ZEB1: variants seen among roughly 807,000 people sequenced by gnomAD.
ZEB1 encodes the protein zinc finger E-box-binding homeobox 1.
A neutral mutation model predicts 84.9 loss-of-function variants in ZEB1; 21 were observed. The observed-to-expected ratio is 0.25, with a 90% CI of 0.18 to 0.36. The LOEUF is 0.36. Among genes scored for constraint, ZEB1 ranks in the 10% least tolerant of loss-of-function variants. ZEB1 has a pLI of 1.00. For synonymous variants in ZEB1, 420 were observed against 471.1 expected (o/e 0.89, Z 1.41); for missense variants, 1,104 against 1,330.2 (o/e 0.83, Z 2.65).
intron 1 of ZEB1, among the ~76,000 whole-genome samples, chr10:31,430,702 T>C: frequency 6.6e-6 from 1 of 152,166 alleles, no homozygotes; most frequent in East Asian, 1.9e-4. Context: ...TGCTACACAT[T>C]TACACACATA....
chr10:31,404,909 G>T (rs989341798), intron 1 of ZEB1, among the ~76,000 whole-genome samples: 1 of 152,122 alleles, frequency 6.6e-6, no homozygotes, highest in Non-Finnish European at 1.5e-5. Context: ...GAGAAAAAGA[G>T]CAGGCTGGCT....
At chr10:31,351,264 G>C (rs548467547) in intron 1 of ZEB1, among the ~76,000 whole-genome samples, 1 of 152,216 alleles carries the variant, frequency 6.6e-6, no homozygotes, top group Admixed American at 6.5e-5. Flanking sequence ...TCTCTTTTTA[G>C]CAAAATAGGA....
intron 1 of ZEB1, among the ~76,000 whole-genome samples, chr10:31,442,940 CAT>C (rs1249249219): frequency 2.6e-5 from 4 of 152,042 alleles, no homozygotes; most frequent in African/African-American, 7.2e-5. Context: ...ATTAGAGACA[CAT>C]GTAGGCAACT....
rs746846574 is a variant in ZEB1 at position 31,527,148 on chromosome 10, G to A, written c.3262G>A (p.Ala1088Thr). The A allele has an allele frequency of 6.2e-6, 10 of 1,607,980 alleles. 1 individual carries two copies. The South Asian group carries it at 1.1e-4, about 18-fold the overall frequency. The stretch of plus-strand genomic sequence containing the variant: ...AGAGGCAGAGAATGAGGGAGAAGAA[G>A]CAAAAACTGAAGGTCTGATGAAGGA... ...VEEAENEGEE[A>T]KTEGLMKDDR... The change falls in exon 9 of 9, where the codon GCA (alanine) becomes ACA (threonine). Residue 1088 changes from alanine to threonine, a missense_variant. By Grantham distance (58) the Ala-to-Thr change is moderately conservative. This residue lies in a region of ZEB1 where 173 missense variants were observed against 167.0 expected (regional missense o/e 1.04). Transcript: ENST00000424869.
chr10:31,364,415 C>A (rs1350026669), intron 1 of ZEB1, among the ~76,000 whole-genome samples: 3 of 152,178 alleles, frequency 2.0e-5, no homozygotes, highest in African/African-American at 7.2e-5. Context: ...CTGGCTAGCA[C>A]CCAGTGGCCC....
intron 1 of ZEB1, among the ~76,000 whole-genome samples, chr10:31,423,919 T>A (rs962182756): frequency 2.0e-5 from 3 of 152,034 alleles, no homozygotes; most frequent in African/African-American, 7.2e-5. Context: ...GACTCCAGAA[T>A]AATAAGGATA....
chr10:31,357,107 G>A (rs1393775055), intron 1 of ZEB1, among the ~76,000 whole-genome samples: 2 of 152,102 alleles, frequency 1.3e-5, no homozygotes, highest in African/African-American at 2.4e-5. Flanking sequence ...TCTAGGAAAA[G>A]TGAATGCCAA....
At chr10:31,518,414 A>G (rs1166260005) in intron 6 of ZEB1, among the ~76,000 whole-genome samples, 3 of 152,162 alleles carry the variant, frequency 2.0e-5, no homozygotes, top group Non-Finnish European at 4.4e-5. Flanking sequence ...AAGAAAAGTT[A>G]CACTTGTTCT....
At chr10:31,381,952 A>C (rs1214468107) in intron 1 of ZEB1, 1 of 136,182 alleles carries the variant, frequency 7.3e-6, no homozygotes, top group Non-Finnish European at 1.6e-5. Flanking sequence ...CAGGGGTTGC[A>C]GTGAGATGAG....
chr10:31,404,112 C>A (rs913581351), intron 1 of ZEB1, among the ~76,000 whole-genome samples: 5 of 151,948 alleles, frequency 3.3e-5, no homozygotes, highest in African/African-American at 9.7e-5. Context: ...AAAACACATT[C>A]TTTTTAAGAG....
At chr10:31,485,294 T>C (rs983224024) in intron 2 of ZEB1, among the ~76,000 whole-genome samples, 32 of 152,024 alleles carry the variant, frequency 2.1e-4, no homozygotes, top group African/African-American at 7.5e-4. Context: ...GAGCTCAGTA[T>C]TCACAACAAT....
rs184451590 is a variant in ZEB1, at chr10:31,452,371, G to A, written c.59-8666G>A. 5.1e-3 allele frequency among the ~76,000 whole-genome samples: 768 copies of A among 151,718 alleles called. 11 individuals are homozygous for A. The highest frequency in any genetic ancestry group is 0.017 in the African/African-American group (715 of 41,364). On this transcript the variant is annotated intron_variant, in intron 1 of 8. Coordinates refer to ENST00000424869, the MANE Select transcript of ZEB1 (RefSeq NM_001174096.2). ...GACAGTAAGCTAACATTATCAGTTC[G>A]GTCAAAAGTCAGATTAACAAAAATT...
At chr10:31,366,261 T>TA in intron 1 of ZEB1, among the ~76,000 whole-genome samples, 1 of 152,346 alleles carries the variant, frequency 6.6e-6, no homozygotes, top group African/African-American at 2.4e-5. Flanking sequence ...ACAGACATAA[T>TA]ACTTAAATCA....
At chr10:31,355,542 C>T (rs984757717) in intron 1 of ZEB1, among the ~76,000 whole-genome samples, 6 of 152,126 alleles carry the variant, frequency 3.9e-5, no homozygotes, top group Middle Eastern at 3.4e-3. Context: ...ATATAACAGG[C>T]GGACTTAACC....
intron 1 of ZEB1, among the ~76,000 whole-genome samples, chr10:31,359,231 G>A (rs971198903): frequency 2.0e-5 from 3 of 151,996 alleles, no homozygotes; most frequent in African/African-American, 7.3e-5. Flanking sequence ...ATGCATTTTG[G>A]TATTGAAATC....
chr10:31,500,164 A>C (rs945714813), intron 3 of ZEB1, among the ~76,000 whole-genome samples: 2 of 152,098 alleles, frequency 1.3e-5, no homozygotes, highest in African/African-American at 4.8e-5. Context: ...TCTACATGGA[A>C]TCTGTAAGAA....
At chr10:31,345,104 T>A (rs2040068274) in intron 1 of ZEB1, among the ~76,000 whole-genome samples, 1 of 151,864 alleles carries the variant, frequency 6.6e-6, no homozygotes, top group Non-Finnish European at 1.5e-5. Context: ...CAGAAGGGAG[T>A]TGGGGAGGTG....
At chr10:31,466,167 C>T (rs780455459) in intron 2 of ZEB1, among the ~76,000 whole-genome samples, 1 of 152,054 alleles carries the variant, frequency 6.6e-6, no homozygotes, top group Non-Finnish European at 1.5e-5. Flanking sequence ...GATAGCAGTA[C>T]AGTAATCATA....
chr10:31,393,380 C>T lies in ZEB1; in HGVS notation c.59-67657C>T, dbSNP rs529890913. On this transcript the variant is annotated intron_variant, in intron 1 of 8. Transcript: ENST00000424869. ...AGTTTGTGAATGCCACTTGATAGGC[C>T]ACCTGTGTTATTTTCCATGGGTATT... Among the ~76,000 whole-genome samples, 3 of 152,126 alleles carry T rather than the reference C, an allele frequency of 2.0e-5. No homozygotes were observed. The South Asian group carries it at 6.2e-4, about 32-fold the overall frequency.
Sources: allele counts gnomAD v4.1 joint callset (sites outside exome capture counted in the v4.1 genomes callset), GRCh38; gene constraint gnomAD v4.1.1; regional missense constraint gnomAD v4.1.1; transcripts MANE v1.5; gene names NCBI Gene and HGNC (gene_info 2026-07-23, HGNC 2026-07-21).